The following ZEB1 variants were observed in gnomAD, a reference collection of about 807,000 sequenced individuals.
ZEB1 encodes the protein zinc finger E-box binding homeobox 1.
A neutral mutation model predicts 84.9 loss-of-function variants in ZEB1; 21 were observed. The ratio of observed to expected loss-of-function variants is 0.25; its 90% confidence interval spans 0.18 to 0.36. The LOEUF (loss-of-function observed/expected upper bound fraction) is 0.36. Among genes scored for constraint, ZEB1 ranks in the 10% least tolerant of loss-of-function variants. ZEB1 has a pLI of 1.00. For synonymous variants in ZEB1, 420 were observed against 471.1 expected, an observed-to-expected ratio of 0.89 and a Z score of 1.41; for missense variants, 1,104 against 1,330.2, an observed-to-expected ratio of 0.83 and a Z score of 2.65.
intron 2 of ZEB1, among the ~76,000 whole-genome samples, chr10:31,488,913 G>A (rs1407133552): frequency 6.6e-6 from 1 of 151,030 alleles, no homozygotes; most frequent in Non-Finnish European, 1.5e-5. Flanking sequence ...TGAATATTTT[G>A]TGTACATTTG....
At chr10:31,381,944 G>A (rs545382082) in intron 1 of ZEB1, 18 of 150,194 alleles carry the variant, frequency 1.2e-4, no homozygotes, top group African/African-American at 4.5e-4. Context: ...CCAGGTGGCA[G>A]GGGTTGCAGT....
chr10:31,375,036 A>G (rs1299208912), intron 1 of ZEB1: 2 of 111,074 alleles, frequency 1.8e-5, no homozygotes, highest in East Asian at 6.2e-4. Flanking sequence ...TGTGACATTT[A>G]TGTTTTTCAT....
chr10:31,455,615 C>G (rs1431703546), intron 1 of ZEB1, among the ~76,000 whole-genome samples: 1 of 152,154 alleles, frequency 6.6e-6, no homozygotes, highest in Non-Finnish European at 1.5e-5. Flanking sequence ...ACAGACACTT[C>G]TCAAAAGAAG....
At chr10:31,408,996 T>G (rs2053691666) in intron 1 of ZEB1, among the ~76,000 whole-genome samples, 1 of 151,676 alleles carries the variant, frequency 6.6e-6, no homozygotes, top group Non-Finnish European at 1.5e-5. Flanking sequence ...AACCTACTCA[T>G]CTGACAAAGG....
chr10:31,341,805 C>T (rs1341500351), intron 1 of ZEB1, among the ~76,000 whole-genome samples: 1 of 152,068 alleles, frequency 6.6e-6, no homozygotes. Flanking sequence ...AGTGGGCCAA[C>T]CTGAAGATCC....
intron 1 of ZEB1, among the ~76,000 whole-genome samples, chr10:31,459,375 A>G (rs1339028190): frequency 6.6e-6 from 1 of 152,104 alleles, no homozygotes; most frequent in African/African-American, 2.4e-5. Context: ...TTGTGTTACA[A>G]CTAAGTAAGA....
In ZEB1 at chr10:31,319,635, C is replaced by T. The variant is rs1589881744; in HGVS notation, c.58+343C>T. 2.2e-5 allele frequency: 7 copies of T among 314,776 alleles called. No homozygotes were observed. The South Asian group carries it at 3.3e-4, about 15-fold the overall frequency. 19.5% of individuals were successfully genotyped at this position (314,776 alleles called of 1,614,324 possible). A position where few individuals can be genotyped will look rare whatever the true frequency, so the allele number is the denominator to read the frequency against. Reference sequence around the variant, plus strand: ...CGGCCGGGACGCACTGGCCACTTTTCTGGTCCCGGGTGGAGCGGCTGTTGC... The same window carrying T: ...CGGCCGGGACGCACTGGCCACTTTTTTGGTCCCGGGTGGAGCGGCTGTTGC... On this transcript the variant is annotated intron_variant, in intron 1 of 8. Coordinates refer to ENST00000424869, the MANE Select transcript of ZEB1 (RefSeq NM_001174096.2).
intron 3 of ZEB1, among the ~76,000 whole-genome samples, chr10:31,496,413 AC>A (rs1339649522): frequency 6.6e-6 from 1 of 152,102 alleles, no homozygotes; most frequent in Non-Finnish European, 1.5e-5. Flanking sequence ...CTTTTAGGTG[AC>A]TAAAAAGTAC....
intron 1 of ZEB1, among the ~76,000 whole-genome samples, chr10:31,380,636 A>G (rs2047456780): frequency 6.6e-6 from 1 of 152,020 alleles, no homozygotes; most frequent in Non-Finnish European, 1.5e-5. Flanking sequence ...TATTAGTGGA[A>G]ATTCTTCTGT....
At chr10:31,343,043 T>C (rs1388988278) in intron 1 of ZEB1, among the ~76,000 whole-genome samples, 1 of 152,146 alleles carries the variant, frequency 6.6e-6, no homozygotes, top group Non-Finnish European at 1.5e-5. Flanking sequence ...AAAAACAAAA[T>C]GCACTTGCTC....
intron 2 of ZEB1, among the ~76,000 whole-genome samples, chr10:31,468,063 T>C (rs2062666251): frequency 2.0e-5 from 3 of 152,100 alleles, no homozygotes; most frequent in Admixed American, 1.3e-4. Flanking sequence ...AACCAGCTCT[T>C]GTGGCACAGA....
At chr10:31,484,294 A>C (rs528252052) in intron 2 of ZEB1, among the ~76,000 whole-genome samples, 9 of 152,136 alleles carry the variant, frequency 5.9e-5, no homozygotes, top group African/African-American at 2.2e-4. Context: ...TGGATGCCTT[A>C]TTCTGCAGAC....
chr10:31,433,497 G>T lies in ZEB1; in HGVS notation c.59-27540G>T, dbSNP rs374889571. On this transcript the variant is annotated intron_variant, in intron 1 of 8. Coordinates refer to ENST00000424869, the MANE Select transcript of ZEB1 (RefSeq NM_001174096.2). ...ACTCAAACCTGAATAACCATTGTTT[G>T]TCAGTTGGTTATTCTTTCAAGTTAA... Among the ~76,000 whole-genome samples the T allele has an allele frequency of 2.4e-4, 37 of 152,224 alleles. 1 individual carries two copies. The highest frequency in any genetic ancestry group is 7.9e-4 in the African/African-American group (33 of 41,544).
chr10:31,458,312 C>CGTGTGT (rs775810348), intron 1 of ZEB1, among the ~76,000 whole-genome samples: 4 of 123,122 alleles, frequency 3.2e-5, no homozygotes, highest in South Asian at 4.6e-4. Flanking sequence ...ATCTCCATTC[C>CGTGTGT]GTGTGTGTGT....
intron 2 of ZEB1, among the ~76,000 whole-genome samples, chr10:31,476,878 C>A (rs537095162): frequency 6.6e-6 from 1 of 151,956 alleles, no homozygotes; most frequent in Non-Finnish European, 1.5e-5. Context: ...ATGTTAAAAA[C>A]CCTCAAAAAC....
chr10:31,460,999 A>G, intron 1 of ZEB1, 38 bp from the exon 2 acceptor site: 1 of 1,505,206 alleles, frequency 6.6e-7, no homozygotes, highest in Non-Finnish European at 9.2e-7. Context: ...TTGTTTTACT[A>G]GTTGGTTTTG....
intron 1 of ZEB1, chr10:31,362,870 T>G (rs1293159359): frequency 5.4e-6 from 7 of 1,289,890 alleles, no homozygotes; most frequent in African/African-American, 2.9e-5. Context: ...CTTAGTCTCC[T>G]GAATTTTGAT....
chr10:31,464,625 C>T (rs144341893), intron 2 of ZEB1, among the ~76,000 whole-genome samples: 11 of 152,218 alleles, frequency 7.2e-5, no homozygotes, highest in African/African-American at 1.2e-4. Flanking sequence ...GAAAAGTCAA[C>T]GACAGTTTTG....
In ZEB1 at chr10:31,368,266, C is replaced by T. The variant is rs534099326; in HGVS notation, c.58+48974C>T. On this transcript the variant is annotated intron_variant, in intron 1 of 8. Transcript: ENST00000424869. ...ACCTCCTGGGCTCAATCGATCCCCC[C>T]ACTTCAGCCTCCCAAGTTAGCTGGG... Among the ~76,000 whole-genome samples, 3 of 152,236 alleles carry T rather than the reference C, an allele frequency of 2.0e-5. No individual in the cohort carries two copies. In the East Asian group the frequency reaches 5.8e-4, roughly 29 times the overall value.
Sources: allele counts gnomAD v4.1 joint callset (sites outside exome capture counted in the v4.1 genomes callset), GRCh38; gene constraint gnomAD v4.1.1; transcripts MANE v1.5; gene names NCBI Gene and HGNC (gene_info 2026-07-23, HGNC 2026-07-21).